DDX24: variants seen among roughly 807,000 people sequenced by gnomAD.
DDX24 encodes the protein DEAD-box helicase 24.
A neutral mutation model predicts 68.9 loss-of-function variants in DDX24; 24 were observed. The observed-to-expected ratio is 0.35, with a 90% CI of 0.25 to 0.49. The LOEUF is 0.49. DDX24 is among the 20% of genes least tolerant of loss of function. DDX24 has a pLI of 0.99. For synonymous variants in DDX24, 395 were observed against 385.2 expected, an observed-to-expected ratio of 1.03 and a Z score of -0.30; for missense variants, 989 against 1,039.0, an observed-to-expected ratio of 0.95 and a Z score of 0.66.
In DDX24 at chr14:94,060,952, T is replaced by G; in HGVS notation, c.1358A>C (p.Lys453Thr). The change falls in exon 4 of 9, where the codon AAA becomes ACA. Residue 453 changes from lysine to threonine, a missense_variant. Around this residue, in one of 3 missense-constraint regions of DDX24, gnomAD observed 691 missense variants for 760.0 expected, o/e 0.91. Transcript: ENST00000621632. ...ATPGRLWELI[K>T]EKHYHLRNLR... is the part of the protein sequence containing the mutation. ...GTTCCTCAAATGATAATGCTTTTCT[T>G]TAATTAATTCCCACAGCCGGCCTGG... The G allele has an allele frequency of 8.7e-6, 14 of 1,614,192 alleles. No individual in the cohort carries two copies. The highest frequency in any genetic ancestry group is 1.2e-5 in the Non-Finnish European group (14 of 1,180,026).
rs144620492 is a variant in DDX24, at chr14:94,062,353, C to T, written c.987G>A (p.Ala329=). The change falls in exon 3 of 9, where the codon GCG becomes GCA. Residue 329 remains alanine, a synonymous_variant. Coordinates refer to ENST00000621632, the MANE Select transcript of DDX24 (RefSeq NM_020414.4). ...CAGCATCATCGTCACCAAAGAGCAA[C>T]GCCTGGTCTGAGACAGTGCCTCCAG... ...AKTGGTVSDQ[A]LLFGDDDAGE... The T allele has an allele frequency of 1.5e-4, 237 of 1,614,244 alleles. No individual in the cohort carries two copies. Among genetic ancestry groups the T allele is most frequent in the African/African-American group, 1.3e-3 (98 of 75,056 alleles).
intron 8 of DDX24, 193 bp from the exon 9 acceptor site, chr14:94,051,655 C>T (rs1164146590): frequency 8.7e-6 from 5 of 575,300 alleles, no homozygotes; most frequent in Non-Finnish European, 1.4e-5. Flanking sequence ...GCAGGGGATA[C>T]ACAGGACCGC....
chr14:94,073,047 A>G (rs1885864760), intron 2 of DDX24, among the ~76,000 whole-genome samples: 1 of 151,992 alleles, frequency 6.6e-6, no homozygotes, highest in African/African-American at 2.4e-5. Context: ...AATAATCATT[A>G]AACGTAAATA....
rs988275544 is a variant in DDX24 at position 94,049,394 on chromosome 14, A to C, written c.*1797T>G. ...TCAGGAGCTGACCTCACAGACGGGC[A>C]ATTTCCCCTCCTATTCCGGTCACTG... is the stretch of plus-strand genomic sequence containing the variant. On this transcript the variant is annotated 3_prime_UTR_variant, in exon 9 of 9. Transcript: ENST00000621632. 2 of 152,212 alleles carry C rather than the reference A, an allele frequency of 1.3e-5. No homozygotes were observed. Among genetic ancestry groups the C allele is most frequent in the African/African-American group, 4.8e-5 (2 of 41,442 alleles). The allele number at this position is 152,212 out of a possible 1,614,324, so 9.4% of individuals were successfully genotyped here.
Position 94,053,041 on chromosome 14 carries a change from T to A in DDX24, c.2265A>T (p.Ala755=). The A allele has an allele frequency of 6.2e-7, 1 of 1,614,224 alleles. No individual in the cohort carries two copies. Among genetic ancestry groups the A allele is most frequent in the Non-Finnish European group, 8.5e-7 (1 of 1,180,026 alleles). Reference sequence around the variant, plus strand: ...CCAGCTCAATCTCCAGGGCAGCTGCTGCCTGCTCAATCCAAGAGTTGTGCA... The same window carrying A: ...CCAGCTCAATCTCCAGGGCAGCTGCAGCCTGCTCAATCCAAGAGTTGTGCA... ...ACLHNSWIEQ[A]AAALEIELEE... is the part of the protein sequence containing the mutation. Residue 755 remains alanine, a synonymous_variant, in exon 8 of 9, where the codon GCA becomes GCT. Transcript: ENST00000621632.
chr14:94,060,826 T>C (rs962323311), intron 4 of DDX24, 87 bp downstream of exon 4: 1 of 1,555,738 alleles, frequency 6.4e-7, no homozygotes, highest in South Asian at 1.2e-5. Flanking sequence ...CATTCTGCGA[T>C]GAGAAGAAGG....
intron 2 of DDX24, among the ~76,000 whole-genome samples, chr14:94,077,016 T>G (rs1037496070): frequency 1.3e-5 from 2 of 152,244 alleles, no homozygotes; most frequent in African/African-American, 4.8e-5. Flanking sequence ...GTAAATATAT[T>G]TTCTGTTCCT....
At chr14:94,063,602 C>T (rs941779053) in intron 2 of DDX24, among the ~76,000 whole-genome samples, 3 of 152,112 alleles carry the variant, frequency 2.0e-5, no homozygotes, top group South Asian at 4.1e-4. Flanking sequence ...AAAGAGCAAC[C>T]GAAACAGTAA....
rs140803604 is a variant in DDX24 at position 94,060,477 on chromosome 14, G to C, written c.1534C>G (p.Leu512Val). ...QTLVFSATLTLVHQAPARILH... is the reference protein window; with the variant it reads ...QTLVFSATLTVVHQAPARILH... ...ATTCGAGCAGGAGCCTGATGCACCA[G>C]GGTGAGTGTGGCAGAAAAAACAAGC... The change falls in exon 5 of 9, where the codon CTG (leucine) becomes GTG (valine). Residue 512 changes from leucine to valine, a missense_variant. Transcript: ENST00000621632. 1.2e-6 allele frequency: 2 copies of C among 1,614,150 alleles called. No individual in the cohort carries two copies. The highest frequency in any genetic ancestry group is 1.7e-6 in the Non-Finnish European group (2 of 1,180,050).
chr14:94,075,389 CAACTCAGTGGAG>C (rs1398066374), intron 2 of DDX24, among the ~76,000 whole-genome samples: 12 of 152,152 alleles, frequency 7.9e-5, no homozygotes, highest in Admixed American at 3.3e-4. Context: ...GATGCAAAGT[CAACTCAGTGGAG>C]AAAGAATAGT....
At chr14:94,053,318 T>G (rs1885425020) in intron 7 of DDX24, 191 bp from the exon 8 acceptor site, 1 of 304,066 alleles carries the variant, frequency 3.3e-6, no homozygotes, top group Non-Finnish European at 5.7e-6. Context: ...CACCTCAGCC[T>G]CCCAAGCAGC....
At chr14:94,070,941 A>G (rs1885814902) in intron 2 of DDX24, among the ~76,000 whole-genome samples, 1 of 152,222 alleles carries the variant, frequency 6.6e-6, no homozygotes, top group African/African-American at 2.4e-5. Flanking sequence ...CCTTCTGGAC[A>G]TTGGCTTAGG....
chr14:94,078,071 T>C (rs1056307079), intron 2 of DDX24, among the ~76,000 whole-genome samples: 26 of 152,102 alleles, frequency 1.7e-4, no homozygotes, highest in African/African-American at 6.3e-4. Flanking sequence ...TGTACAGACT[T>C]TTCTTGTCAT....
chr14:94,077,327 C>G (rs762146693), intron 2 of DDX24, among the ~76,000 whole-genome samples: 74 of 152,200 alleles, frequency 4.9e-4, no homozygotes, highest in Admixed American at 9.2e-4. Context: ...CTTGTAGATT[C>G]ACAACCTGAC....
At chr14:94,056,927 T>A (rs1262381927) in intron 6 of DDX24, 2 of 152,234 alleles carry the variant, frequency 1.3e-5, no homozygotes, top group African/African-American at 4.8e-5. Context: ...GTGAGTTTGT[T>A]GTTTCTCTGA....
chr14:94,062,637 AC>A lies in DDX24; in HGVS notation c.719-17del. The A allele has an allele frequency of 3.2e-6, 5 of 1,569,432 alleles. No homozygotes were observed. The highest frequency in any genetic ancestry group is 4.3e-6 in the Non-Finnish European group (5 of 1,161,164). On this transcript the variant is annotated splice_polypyrimidine_tract_variant and intron_variant, in intron 2 of 8. Transcript: ENST00000621632. ...TTCCCACTTCCTTAAAAGTAAAAAAACAAAACAAAGTAAAAACAGTGTGAAT... is the reference window on the plus strand; with the variant it reads ...TTCCCACTTCCTTAAAAGTAAAAAAAAAAACAAAGTAAAAACAGTGTGAAT...
chr14:94,075,061 T>C (rs1383452823), intron 2 of DDX24, among the ~76,000 whole-genome samples: 1 of 152,164 alleles, frequency 6.6e-6, no homozygotes, highest in African/African-American at 2.4e-5. Context: ...AAATTAAATA[T>C]TGTTAAGACG....
chr14:94,067,331 T>C (rs569815588), intron 2 of DDX24, among the ~76,000 whole-genome samples: 1 of 152,160 alleles, frequency 6.6e-6, no homozygotes, highest in African/African-American at 2.4e-5. Context: ...CTAAGAAGTC[T>C]GGGATTATGT....
At chr14:94,077,723 C>G (rs932798977) in intron 2 of DDX24, among the ~76,000 whole-genome samples, 1 of 152,186 alleles carries the variant, frequency 6.6e-6, no homozygotes, top group African/African-American at 2.4e-5. Context: ...ACTCTTCCAT[C>G]TATATGACTG....
Sources: gnomAD v4.1 joint callset for allele counts (sites outside exome capture counted in the v4.1 genomes callset) on GRCh38, gnomAD v4.1.1 for gene constraint, gnomAD v4.1.1 regional missense constraint, MANE v1.5 for transcripts, NCBI Gene and HGNC (gene_info 2026-07-23, HGNC 2026-07-21) for gene names.